The following TIPRL variants were observed in gnomAD, a reference collection of about 807,000 sequenced individuals.
The protein encoded by TIPRL is TIP41-like protein.
In TIPRL, 10 loss-of-function variants were observed where a neutral mutation model predicts 32.3. The ratio of observed to expected loss-of-function variants is 0.31; its 90% CI spans 0.19 to 0.52. The LOEUF is 0.52. Among genes scored for constraint, TIPRL ranks in the 20% least tolerant of loss-of-function variants. TIPRL has a pLI of 0.96. For synonymous variants in TIPRL, 100 were observed against 114.0 expected, an observed-to-expected ratio of 0.88 and a Z score of 0.78; for missense variants, 250 against 328.1, an observed-to-expected ratio of 0.76 and a Z score of 1.84.
intron 1 of TIPRL, among the ~76,000 whole-genome samples, chr1:168,179,526 G>A (rs974099607): frequency 2.0e-5 from 3 of 152,142 alleles, no homozygotes; most frequent in Admixed American, 2.0e-4. Context: ...GTTAATGACG[G>A]GGATGATTTA....
At position 168,183,957 on chromosome 1, in the gene TIPRL, G is replaced by C; in HGVS notation, c.160G>C (p.Val54Leu). Reference sequence around the variant, plus strand: ...CCCTGAAATGATGTTTGGAGACAACGTTTTAAGAATCCAGCATGGGTCTGG... The same window carrying C: ...CCCTGAAATGATGTTTGGAGACAACCTTTTAAGAATCCAGCATGGGTCTGG... ...SLPEMMFGDN[V>L]LRIQHGSGFG... Residue 54 changes from valine to leucine, a missense_variant, in exon 2 of 7, where the codon GTT becomes CTT. Transcript: ENST00000367833. 1 of 1,614,046 alleles carries C rather than the reference G, an allele frequency of 6.2e-7. No homozygotes were observed. Among genetic ancestry groups the C allele is most frequent in the Non-Finnish European group, 8.5e-7 (1 of 1,179,964 alleles).
intron 3 of TIPRL, among the ~76,000 whole-genome samples, chr1:168,186,901 G>A (rs1373340166): frequency 6.6e-6 from 1 of 152,186 alleles, no homozygotes; most frequent in Non-Finnish European, 1.5e-5. Context: ...TGTTGTGTCT[G>A]GGCCCCTTTT....
intron 4 of TIPRL, among the ~76,000 whole-genome samples, chr1:168,193,848 A>C (rs899699051): frequency 6.6e-6 from 1 of 152,224 alleles, no homozygotes; most frequent in African/African-American, 2.4e-5. Context: ...TATAAAATTA[A>C]AGGAAATTGG....
At chr1:168,185,620 AT>A (rs1572430951) in intron 3 of TIPRL, among the ~76,000 whole-genome samples, 1 of 143,042 alleles carries the variant, frequency 7.0e-6, no homozygotes, top group Non-Finnish European at 1.5e-5. Context: ...AAAAAAAAAA[AT>A]TAGCTGGGTG....
At chr1:168,190,991 A>G (rs1700089866) in intron 3 of TIPRL, among the ~76,000 whole-genome samples, 1 of 152,182 alleles carries the variant, frequency 6.6e-6, no homozygotes, top group African/African-American at 2.4e-5. Context: ...GAATGTCCTA[A>G]AAGTGGCTTT....
At chr1:168,188,447 A>G (rs1258855622) in intron 3 of TIPRL, among the ~76,000 whole-genome samples, 1 of 152,232 alleles carries the variant, frequency 6.6e-6, no homozygotes, top group Non-Finnish European at 1.5e-5. Flanking sequence ...CTCATAGACA[A>G]TATATAAATG....
At position 168,196,603 on chromosome 1, in the gene TIPRL, G is replaced by A. The variant is rs1339793310; in HGVS notation, c.573G>A (p.Gly191=). The A allele has an allele frequency of 4.4e-6, 7 of 1,602,828 alleles. No individual in the cohort carries two copies. In the Admixed American group the frequency reaches 8.5e-5, roughly 19 times the overall value. The change falls in exon 5 of 7, where the codon GGG becomes GGA. Residue 191 remains glycine, a synonymous_variant. Coordinates refer to ENST00000367833, the MANE Select transcript of TIPRL (RefSeq NM_152902.5). ...TGCGGTTTTTCTTGAGAATTGATGG[G>A]GTGCTTATCAGAATGAATGACACGA... The part of the protein sequence containing the change: ...LLLRFFLRID[G]VLIRMNDTRL...
At chr1:168,197,358 A>G (rs186629234) in intron 5 of TIPRL, among the ~76,000 whole-genome samples, 8 of 151,894 alleles carry the variant, frequency 5.3e-5, no homozygotes, top group Middle Eastern at 3.4e-3. Flanking sequence ...TGAACCTAGT[A>G]GGATAGGATT....
At chr1:168,190,303 G>A (rs1162949419) in intron 3 of TIPRL, among the ~76,000 whole-genome samples, 1 of 152,028 alleles carries the variant, frequency 6.6e-6, no homozygotes, top group Non-Finnish European at 1.5e-5. Flanking sequence ...AGTGACCATG[G>A]AAGAATTATG....
rs965882860 is a variant in TIPRL at position 168,184,193 on chromosome 1, C to T, written c.284+112C>T. On this transcript the variant is annotated intron_variant, in intron 2 of 6. Transcript: ENST00000367833. ...ACGTGTGTGTTGTTAGAATGAAGGGCTGGTATTATTAAACTTGAGAGTTGT... is the reference window on the plus strand; with the variant it reads ...ACGTGTGTGTTGTTAGAATGAAGGGTTGGTATTATTAAACTTGAGAGTTGT... The T allele has an allele frequency of 9.1e-6, 9 of 987,640 alleles. No homozygotes were observed. In the African/African-American group the frequency reaches 1.5e-4, roughly 16 times the overall value. The allele number at this position is 987,640 out of a possible 1,614,324, so 61.2% of individuals were successfully genotyped here. A position where few individuals can be genotyped will look rare whatever the true frequency, so the allele number is the denominator to read the frequency against.
At chr1:168,179,442 C>T (rs567202406) in intron 1 of TIPRL, among the ~76,000 whole-genome samples, 1 of 152,098 alleles carries the variant, frequency 6.6e-6, no homozygotes, top group Non-Finnish European at 1.5e-5. Flanking sequence ...GGACTTTCCC[C>T]TCACCAAACG....
At chr1:168,187,849 A>G (rs565898722) in intron 3 of TIPRL, among the ~76,000 whole-genome samples, 6 of 151,998 alleles carry the variant, frequency 3.9e-5, no homozygotes, top group Admixed American at 2.6e-4. Flanking sequence ...GCACGTGTCT[A>G]TAGTCCCAGC....
In TIPRL at chr1:168,191,462, C is replaced by T; in HGVS notation, c.478C>T (p.Leu160Phe). The T allele has an allele frequency of 1.3e-6, 2 of 1,523,752 alleles. No individual in the cohort carries two copies. Among genetic ancestry groups the T allele is most frequent in the Non-Finnish European group, 1.7e-6 (2 of 1,146,646 alleles). The allele number at this position is 1,523,752 out of a possible 1,614,324, so 94.4% of individuals were successfully genotyped here. A position where few individuals can be genotyped will look rare whatever the true frequency, so the allele number is the denominator to read the frequency against. Residue 160 changes from leucine to phenylalanine, a missense_variant, in exon 4 of 7, where the codon CTT (leucine) becomes TTT (phenylalanine). Transcript: ENST00000367833. ...AGAAGTTCTCCTTTTTGAGGATGAA[C>T]TTCATGATCATGGAGTTTCAAGCCT... ...FEEVLLFEDE[L>F]HDHGVSSLSV...
chr1:168,195,345 C>A (rs1700141042), intron 4 of TIPRL, among the ~76,000 whole-genome samples: 1 of 152,182 alleles, frequency 6.6e-6, no homozygotes, highest in African/African-American at 2.4e-5. Flanking sequence ...CTTGTCTTAT[C>A]TGATGTTCTT....
chr1:168,199,965 A>G lies in TIPRL; in HGVS notation c.738A>G (p.Glu246=). 6.2e-7 allele frequency: 1 copy of G among 1,613,734 alleles called. No homozygotes were observed. The highest frequency in any genetic ancestry group is 2.2e-5 in the East Asian group (1 of 44,818). Residue 246 remains glutamate (E), a synonymous_variant, in exon 7 of 7, where the codon GAA becomes GAG. Transcript: ENST00000367833. ...NEISQYLPIK[E]AVCEKLIFPE... is the part of the protein sequence containing the mutation. Reference sequence around the variant, plus strand: ...TATCCCAGTATTTACCAATAAAGGAAGCAGTTTGTGAGAAGCTAATATTTC... The same window carrying G: ...TATCCCAGTATTTACCAATAAAGGAGGCAGTTTGTGAGAAGCTAATATTTC...
chr1:168,181,148 A>G (rs780557542), intron 1 of TIPRL, among the ~76,000 whole-genome samples: 5 of 151,262 alleles, frequency 3.3e-5, no homozygotes, highest in Non-Finnish European at 5.9e-5. Context: ...ACGCCTGGCT[A>G]ATTTTTGTAT....
chr1:168,194,417 A>G (rs1700130367), intron 4 of TIPRL, among the ~76,000 whole-genome samples: 1 of 152,202 alleles, frequency 6.6e-6, no homozygotes, highest in South Asian at 2.1e-4. Flanking sequence ...TTGTATTGGC[A>G]CTAGAGTTCT....
At chr1:168,179,827 C>A (rs1699938665) in intron 1 of TIPRL, among the ~76,000 whole-genome samples, 1 of 151,882 alleles carries the variant, frequency 6.6e-6, no homozygotes, top group Non-Finnish European at 1.5e-5. Flanking sequence ...GTTTTTGATG[C>A]CTGGGCTGAA....
In TIPRL at chr1:168,201,874, A is replaced by G. The variant is rs1700212327; in HGVS notation, c.*1828A>G. On this transcript the variant is annotated 3_prime_UTR_variant, in exon 7 of 7. Coordinates refer to ENST00000367833, the MANE Select transcript of TIPRL (RefSeq NM_152902.5). ...GTCCCTGAATAGTCCTAGATTACTT[A>G]TTTTGAGAATTCATTGTTAAAAATT... is the stretch of plus-strand genomic sequence containing the variant. The G allele has an allele frequency of 6.8e-6, 1 of 146,980 alleles. No individual in the cohort carries two copies. The highest frequency in any genetic ancestry group is 1.5e-5 in the Non-Finnish European group (1 of 67,136). The allele number at this position is 146,980 out of a possible 1,614,324, so 9.1% of individuals were successfully genotyped here. A position where few individuals can be genotyped will look rare whatever the true frequency, so the allele number is the denominator to read the frequency against.
Sources: gnomAD v4.1 joint callset for allele counts (sites outside exome capture counted in the v4.1 genomes callset) on GRCh38, gnomAD v4.1.1 for gene constraint, MANE v1.5 for transcripts, NCBI Gene and HGNC (gene_info 2026-07-23, HGNC 2026-07-21) for gene names.